The following EXOC4 variants were observed in gnomAD, a reference collection of about 807,000 sequenced individuals.
EXOC4 encodes SEC8-like 1.
Under a neutral mutation model 107.2 loss-of-function variants are expected in EXOC4, and 71 were observed. The observed-to-expected ratio is 0.66, with a 90% CI of 0.55 to 0.81. The LOEUF is 0.81. Among genes scored for constraint, EXOC4 ranks in the 30% least tolerant of loss-of-function variants. EXOC4 has a pLI of 0.00. For missense variants in EXOC4, 1,108 were observed against 1,189.6 expected (o/e 0.93, Z 1.01); for synonymous variants, 456 against 441.2 (o/e 1.03, Z -0.42).
intron 1 of EXOC4, among the ~76,000 whole-genome samples, chr7:133,265,417 A>C (rs1793703736): frequency 6.6e-6 from 1 of 151,836 alleles, no homozygotes; most frequent in Admixed American, 6.6e-5. Context: ...AAAAAAAAAA[A>C]AATTCACTGG....
chr7:133,792,755 C>A (rs2151186306), intron 10 of EXOC4, among the ~76,000 whole-genome samples: 1 of 151,896 alleles, frequency 6.6e-6, no homozygotes, highest in East Asian at 1.9e-4. Flanking sequence ...CATTTTTATC[C>A]CAAAATGGAA....
intron 9 of EXOC4, among the ~76,000 whole-genome samples, chr7:133,585,469 T>A (rs569070878): frequency 1.2e-4 from 18 of 152,232 alleles, no homozygotes; most frequent in Admixed American, 3.3e-4. Flanking sequence ...TGAACAAGAA[T>A]CACTGTCATT....
intron 7 of EXOC4, among the ~76,000 whole-genome samples, chr7:133,416,242 T>C (rs1797472905): frequency 6.6e-6 from 1 of 152,144 alleles, no homozygotes; most frequent in South Asian, 2.1e-4. Flanking sequence ...AAAGGAAAGA[T>C]GGAGCTAAGA....
chr7:133,914,150 A>T (rs1363198992), intron 12 of EXOC4, among the ~76,000 whole-genome samples: 1 of 152,252 alleles, frequency 6.6e-6, no homozygotes, highest in East Asian at 1.9e-4. Context: ...GTTTGGTGCG[A>T]ATAGATTTAA....
At chr7:133,905,048 C>T (rs1240159698) in intron 12 of EXOC4, among the ~76,000 whole-genome samples, 1 of 152,110 alleles carries the variant, frequency 6.6e-6, no homozygotes, top group African/African-American at 2.4e-5. Context: ...TTCAAATGAT[C>T]CAAAATGGTA....
chr7:133,359,969 T>G (rs1435599962), intron 6 of EXOC4, among the ~76,000 whole-genome samples: 4 of 152,208 alleles, frequency 2.6e-5, no homozygotes, highest in Non-Finnish European at 5.9e-5. Flanking sequence ...AAGCCTCCAC[T>G]TACTATTAAA....
chr7:133,958,353 C>T (rs894161773), intron 14 of EXOC4, among the ~76,000 whole-genome samples: 2 of 151,936 alleles, frequency 1.3e-5, no homozygotes, highest in African/African-American at 4.8e-5. Context: ...TCTAGTCATC[C>T]ATTTATCTCT....
chr7:133,255,369 G>T (rs1432982870), intron 1 of EXOC4, among the ~76,000 whole-genome samples: 3 of 151,988 alleles, frequency 2.0e-5, no homozygotes, highest in Non-Finnish European at 4.4e-5. Flanking sequence ...TAGATACAGG[G>T]TTTCACCATA....
chr7:133,278,232 G>A lies in EXOC4; in HGVS notation c.276+3061G>A, dbSNP rs144475468. 3.4e-3 allele frequency among the ~76,000 whole-genome samples: 516 copies of A among 152,302 alleles called. 5 individuals are homozygous for A. The highest frequency in any genetic ancestry group is 0.012 in the African/African-American group (483 of 41,550). On this transcript the variant is annotated intron_variant, in intron 2 of 17. Coordinates refer to ENST00000253861, the MANE Select transcript of EXOC4 (RefSeq NM_021807.4). Reference sequence around the variant, plus strand: ...AACATTTATGTAGTCTCTATGTATCGAGTGTCTGCTTTGTGCTGAGGATTG... The same window carrying A: ...AACATTTATGTAGTCTCTATGTATCAAGTGTCTGCTTTGTGCTGAGGATTG...
chr7:134,068,148 C>T (rs1329334265), downstream of EXOC4, among the ~76,000 whole-genome samples: 1 of 152,150 alleles, frequency 6.6e-6, no homozygotes, highest in Non-Finnish European at 1.5e-5. Context: ...CTCTTGACAC[C>T]ACACTGGAAA....
chr7:133,443,023 T>C (rs1193263095), intron 7 of EXOC4, among the ~76,000 whole-genome samples: 2 of 152,196 alleles, frequency 1.3e-5, no homozygotes, highest in African/African-American at 4.8e-5. Flanking sequence ...AGTGCCTCTC[T>C]GCAGGACTTG....
intron 14 of EXOC4, among the ~76,000 whole-genome samples, chr7:133,942,210 G>A (rs1305609848): frequency 6.6e-6 from 1 of 151,636 alleles, no homozygotes; most frequent in Non-Finnish European, 1.5e-5. Context: ...AAAATCTCTG[G>A]GATTAGAGAT....
At chr7:133,275,977 C>T (rs1288601032) in intron 2 of EXOC4, among the ~76,000 whole-genome samples, 1 of 151,946 alleles carries the variant, frequency 6.6e-6, no homozygotes, top group Non-Finnish European at 1.5e-5. Flanking sequence ...GGCAAAAAAC[C>T]AAAATTCTTG....
At chr7:133,770,939 C>T (rs1318299639) in intron 10 of EXOC4, among the ~76,000 whole-genome samples, 2 of 151,926 alleles carry the variant, frequency 1.3e-5, no homozygotes, top group African/African-American at 4.8e-5. Flanking sequence ...TGAAATATAT[C>T]TGGTCCTAAG....
chr7:133,866,069 C>A (rs148315825), intron 11 of EXOC4, among the ~76,000 whole-genome samples: 1 of 152,148 alleles, frequency 6.6e-6, no homozygotes, highest in Non-Finnish European at 1.5e-5. Flanking sequence ...TGACAGCTAA[C>A]ATTTATGATG....
the EXOC4 span, among the ~76,000 whole-genome samples, chr7:134,097,635 A>G: frequency 1.3e-5 from 2 of 152,204 alleles, no homozygotes; most frequent in Admixed American, 6.5e-5. Flanking sequence ...AAAATCAACT[A>G]ATCAATCCCA....
At chr7:133,808,970 A>G (rs958570890) in intron 10 of EXOC4, among the ~76,000 whole-genome samples, 1 of 147,446 alleles carries the variant, frequency 6.8e-6, no homozygotes, top group Middle Eastern at 3.3e-3. Flanking sequence ...TTTCATTCTC[A>G]TTCTGGGTCC....
In EXOC4 at chr7:133,779,165, T is replaced by C. The variant is rs540624621; in HGVS notation, c.1515-38160T>C. Among the ~76,000 whole-genome samples the C allele has an allele frequency of 3.9e-5, 6 of 152,366 alleles. No homozygotes were observed. The South Asian group carries it at 8.3e-4, about 21-fold the overall frequency. Reference sequence around the variant, plus strand: ...GTTTAAATGTCATTGCAAAGTTGTATTGGAAAGGTAATTTTGTTTTGGTAG... The same window carrying C: ...GTTTAAATGTCATTGCAAAGTTGTACTGGAAAGGTAATTTTGTTTTGGTAG... On this transcript the variant is annotated intron_variant, in intron 10 of 17. Transcript: ENST00000253861.
intron 5 of EXOC4, among the ~76,000 whole-genome samples, chr7:133,354,240 T>C (rs1282470620): frequency 6.6e-6 from 1 of 152,164 alleles, no homozygotes; most frequent in Non-Finnish European, 1.5e-5. Flanking sequence ...ACTGGGCATT[T>C]GAGTTTAATG....
Sources: allele counts gnomAD v4.1 joint callset (sites outside exome capture counted in the v4.1 genomes callset), GRCh38; gene constraint gnomAD v4.1.1; transcripts MANE v1.5; gene names NCBI Gene and HGNC (gene_info 2026-07-23, HGNC 2026-07-21).